Variants in SYNPR observed in about 807,000 individuals in gnomAD.
SYNPR encodes synaptoporin.
Under a neutral mutation model 32.9 loss-of-function variants are expected in SYNPR, and 23 were observed. That is an observed-to-expected ratio of 0.70 (90% CI 0.50 to 0.99). SYNPR has a LOEUF of 0.99. Ranked by LOEUF, SYNPR falls within the 50% of genes least tolerant of loss-of-function variation. SYNPR has a pLI of 0.00. For missense variants in SYNPR, 318 were observed against 349.3 expected, an observed-to-expected ratio of 0.91 and a Z score of 0.71; for synonymous variants, 146 against 135.9, an observed-to-expected ratio of 1.07 and a Z score of -0.52.
chr3:63,509,499 C>T (rs1217583581), intron 3 of SYNPR, among the ~76,000 whole-genome samples: 1 of 151,878 alleles, frequency 6.6e-6, no homozygotes, highest in African/African-American at 2.4e-5. Context: ...TTTCTTTGCA[C>T]ATTCCTTGCT....
chr3:63,443,373 G>C, intron 2 of SYNPR: 1 of 1,566,462 alleles, frequency 6.4e-7, no homozygotes, highest in Non-Finnish European at 8.7e-7. Flanking sequence ...GGACAGAGAA[G>C]CTTTATTTTT....
chr3:63,427,291 C>T (rs1699911033), intron 2 of SYNPR: 1 of 151,482 alleles, frequency 6.6e-6, no homozygotes, highest in Non-Finnish European at 1.5e-5. Flanking sequence ...CATTTCTTGG[C>T]ATATTTCAAC....
chr3:63,306,051 A>G (rs536804533), intron 2 of SYNPR, among the ~76,000 whole-genome samples: 54 of 152,100 alleles, frequency 3.6e-4, no homozygotes, highest in African/African-American at 1.1e-3. Flanking sequence ...TCCATCTCCA[A>G]CAAATTTTCA....
At chr3:63,543,322 C>A (rs561981608) in intron 3 of SYNPR, among the ~76,000 whole-genome samples, 1 of 152,136 alleles carries the variant, frequency 6.6e-6, no homozygotes, top group Non-Finnish European at 1.5e-5. Flanking sequence ...TCTAGGAAGC[C>A]AAACAAAATT....
chr3:63,225,041 T>C (rs976676381), upstream of SYNPR, among the ~76,000 whole-genome samples: 1 of 152,198 alleles, frequency 6.6e-6, no homozygotes, highest in Non-Finnish European at 1.5e-5. Flanking sequence ...ATTGCAGCCA[T>C]AACTTTTGCT....
the SYNPR span, among the ~76,000 whole-genome samples, chr3:63,209,400 C>T: frequency 6.6e-6 from 1 of 151,880 alleles, no homozygotes; most frequent in East Asian, 1.9e-4. Context: ...CCAGAATCAG[C>T]CATGTCACAA....
chr3:63,418,170 T>C (rs960483084), intron 2 of SYNPR, among the ~76,000 whole-genome samples: 1 of 152,172 alleles, frequency 6.6e-6, no homozygotes, highest in African/African-American at 2.4e-5. Context: ...CTAAATCATC[T>C]TTCTCAAGTT....
At chr3:63,236,308 T>C (rs1560164502) in intron 1 of SYNPR, among the ~76,000 whole-genome samples, 1 of 152,008 alleles carries the variant, frequency 6.6e-6, no homozygotes. Flanking sequence ...TTGGGAAGAG[T>C]AATTCCTCCC....
intron 1 of SYNPR, among the ~76,000 whole-genome samples, chr3:63,234,879 T>C (rs1377136656): frequency 6.6e-6 from 1 of 152,192 alleles, no homozygotes; most frequent in Admixed American, 6.5e-5. Context: ...AGAGGCTCTA[T>C]CATATTTTAA....
rs113713917 is a variant in SYNPR, at chr3:63,251,324, CA to C, written n.67-1165del. On this transcript the variant is annotated intron_variant and non_coding_transcript_variant, in intron 1 of 4. Transcript: ENST00000478456. ...CTAAATAAAAAAATAATCCTGGTAT[CA>C]AAAAAAAAATCCCTGGGTTGGGAGA... is the stretch of plus-strand genomic sequence containing the variant. Among the ~76,000 whole-genome samples, 10 of 148,766 alleles carry C rather than the reference CA, an allele frequency of 6.7e-5. No individual in the cohort carries two copies. In the East Asian group the frequency reaches 1.2e-3, roughly 18 times the overall value.
intron 3 of SYNPR, among the ~76,000 whole-genome samples, chr3:63,499,233 G>A (rs1701432558): frequency 6.6e-6 from 1 of 152,092 alleles, no homozygotes; most frequent in East Asian, 1.9e-4. Context: ...GGGCGAGAAG[G>A]TTAGGCAAAG....
intron 3 of SYNPR, among the ~76,000 whole-genome samples, chr3:63,519,591 C>A (rs1701867594): frequency 6.6e-6 from 1 of 152,214 alleles, no homozygotes; most frequent in African/African-American, 2.4e-5. Flanking sequence ...TCTCTGACAT[C>A]CTCAAGGTTG....
chr3:63,563,974 G>GA (rs56364011), intron 4 of SYNPR, among the ~76,000 whole-genome samples: 31 of 146,042 alleles, frequency 2.1e-4, no homozygotes, highest in Middle Eastern at 3.7e-3. Flanking sequence ...CTCAAATATG[G>GA]AAAAAAAAAA....
intron 4 of SYNPR, among the ~76,000 whole-genome samples, chr3:63,568,859 T>C (rs1479951660): frequency 1.3e-5 from 2 of 152,190 alleles, no homozygotes; most frequent in Admixed American, 1.3e-4. Context: ...GCTGGTTTGA[T>C]TTAGGTTTCT....
chr3:63,559,258 G>T (rs982138807), intron 4 of SYNPR, among the ~76,000 whole-genome samples: 1 of 151,484 alleles, frequency 6.6e-6, no homozygotes, highest in Non-Finnish European at 1.5e-5. Context: ...TGTATTTTTT[G>T]GTACAGACAG....
chr3:63,610,167 C>T (rs1185725572), intron 5 of SYNPR, among the ~76,000 whole-genome samples: 1 of 152,198 alleles, frequency 6.6e-6, no homozygotes, highest in Non-Finnish European at 1.5e-5. Flanking sequence ...TTTATAACTT[C>T]GGAAAAGCTG....
intron 2 of SYNPR, among the ~76,000 whole-genome samples, chr3:63,384,581 C>T (rs1310816037): frequency 6.6e-6 from 1 of 152,098 alleles, no homozygotes; most frequent in African/African-American, 2.4e-5. Flanking sequence ...TATGTGCTGA[C>T]TAAGATAAAC....
At chr3:63,340,419 ATTTTTTT>A (rs60297238) in intron 2 of SYNPR, among the ~76,000 whole-genome samples, 4 of 128,508 alleles carry the variant, frequency 3.1e-5, no homozygotes, top group African/African-American at 8.7e-5. Flanking sequence ...AAAAAAATGT[ATTTTTTT>A]TTTTTTTTTT....
chr3:63,502,302 C>G (rs185044028), intron 3 of SYNPR, among the ~76,000 whole-genome samples: 1 of 151,788 alleles, frequency 6.6e-6, no homozygotes, highest in Non-Finnish European at 1.5e-5. Flanking sequence ...CTCATAATCC[C>G]CCTTCCCCGC....
Sources: gnomAD v4.1 joint callset for allele counts (sites outside exome capture counted in the v4.1 genomes callset) on GRCh38, gnomAD v4.1.1 for gene constraint, MANE v1.5 for transcripts, NCBI Gene and HGNC (gene_info 2026-07-23, HGNC 2026-07-21) for gene names.